Variants in ANO3 observed in about 807,000 individuals in gnomAD.
ANO3 encodes the protein anoctamin 3, also known as anoctamin-3.
A neutral mutation model predicts 144.8 loss-of-function variants in ANO3; 99 were observed. That is an observed-to-expected ratio of 0.68 (90% confidence interval 0.58 to 0.81). The LOEUF (loss-of-function observed/expected upper bound fraction) is 0.81. Among genes scored for constraint, ANO3 ranks in the 30% least tolerant of loss-of-function variants. ANO3 has a pLI of 0.00. For missense variants in ANO3, 905 were observed against 1,202.2 expected (o/e 0.75, Z 3.66); for synonymous variants, 414 against 392.6 (o/e 1.05, Z -0.64).
intron 1 of ANO3, among the ~76,000 whole-genome samples, chr11:26,273,738 A>T (rs1853499103): frequency 6.6e-6 from 1 of 152,084 alleles, no homozygotes; most frequent in African/African-American, 2.4e-5. Context: ...AAAAACAAAT[A>T]GACATCACAC....
chr11:26,380,058 G>A (rs569493565), intron 1 of ANO3, among the ~76,000 whole-genome samples: 1 of 152,224 alleles, frequency 6.6e-6, no homozygotes, highest in Admixed American at 6.5e-5. Flanking sequence ...GGACTGATAA[G>A]CATCATTCTT....
At chr11:26,452,137 A>T (rs1249829243) in intron 3 of ANO3, among the ~76,000 whole-genome samples, 1 of 152,188 alleles carries the variant, frequency 6.6e-6, no homozygotes, top group Non-Finnish European at 1.5e-5. Context: ...TGGGGAAAAA[A>T]CAGAGCAGAA....
rs1214864598 is a variant in ANO3, at chr11:26,371,414, C to T, written c.46+39093C>T. Among the ~76,000 whole-genome samples, 5 of 152,358 alleles carry T rather than the reference C, an allele frequency of 3.3e-5. No individual in the cohort carries two copies. The Middle Eastern group carries it at 0.014, about 415-fold the overall frequency. On this transcript the variant is annotated intron_variant, in intron 1 of 26. Coordinates refer to ENST00000256737, the MANE Select transcript of ANO3 (RefSeq NM_031418.4). ...ATGGAGCCTTCATGGAGAACCTCTG[C>T]AGTGTGGAAAAGAAATGTAGGCTTG... is the stretch of plus-strand genomic sequence containing the variant.
chr11:26,537,601 T>C, intron 10 of ANO3, 140 bp downstream of exon 10: 1 of 739,338 alleles, frequency 1.4e-6, no homozygotes, highest in East Asian at 2.5e-5. Context: ...TGTCTCCCCA[T>C]TGTAATTTTG....
intron 1 of ANO3, among the ~76,000 whole-genome samples, chr11:26,298,333 G>A (rs1854140042): frequency 6.6e-6 from 1 of 151,924 alleles, no homozygotes; most frequent in African/African-American, 2.4e-5. Flanking sequence ...AAATGGAAAG[G>A]AAAAAAGAAA....
chr11:26,380,442 A>G (rs575664762), intron 1 of ANO3, among the ~76,000 whole-genome samples: 4 of 152,322 alleles, frequency 2.6e-5, no homozygotes, highest in African/African-American at 7.2e-5. Flanking sequence ...TATTGCTCAC[A>G]GTTCTGGAGG....
chr11:26,238,679 AAACAT>A (rs963713191), intron 1 of ANO3, among the ~76,000 whole-genome samples: 5 of 152,102 alleles, frequency 3.3e-5, no homozygotes, highest in African/African-American at 9.7e-5. Context: ...AATAAATAAT[AAACAT>A]AACAGATACA....
chr11:26,359,258 C>A (rs10834971), intron 1 of ANO3, among the ~76,000 whole-genome samples: 16,468 of 152,144 alleles, frequency 0.11, 1,007 homozygotes, highest in South Asian at 0.25. Flanking sequence ...CTTTTAAGTT[C>A]TGTGAGGTGG....
At chr11:26,326,621 A>G (rs1451751042) in intron 1 of ANO3, among the ~76,000 whole-genome samples, 2 of 152,168 alleles carry the variant, frequency 1.3e-5, no homozygotes, top group Non-Finnish European at 2.9e-5. Flanking sequence ...TGTTCACTCA[A>G]TTAGTCACCC....
In ANO3 at chr11:26,367,072, G is replaced by T. The variant is rs146498738; in HGVS notation, c.46+34751G>T. 8.4e-3 allele frequency among the ~76,000 whole-genome samples: 1,274 copies of T among 152,238 alleles called. 16 individuals carry two copies. The highest frequency in any genetic ancestry group is 0.025 in the African/African-American group (1,057 of 41,540). ...TAGCCATATGTAGAAAGCTGAAACTGGATCCCTTCCTTACACCTTATACAA... is the reference window on the plus strand; with the variant it reads ...TAGCCATATGTAGAAAGCTGAAACTTGATCCCTTCCTTACACCTTATACAA... On this transcript the variant is annotated intron_variant, in intron 1 of 26. Coordinates refer to ENST00000256737, the MANE Select transcript of ANO3 (RefSeq NM_031418.4).
At chr11:26,197,821 T>C (rs1015634903) in intron 1 of ANO3, among the ~76,000 whole-genome samples, 1 of 152,200 alleles carries the variant, frequency 6.6e-6, no homozygotes, top group Non-Finnish European at 1.5e-5. Context: ...GCCTCTGTTT[T>C]AATCCTCATC....
intron 1 of ANO3, among the ~76,000 whole-genome samples, chr11:26,379,986 A>G (rs1856545910): frequency 6.6e-6 from 1 of 152,174 alleles, no homozygotes; most frequent in African/African-American, 2.4e-5. Flanking sequence ...TTATGTCCCA[A>G]TCCATGTAGT....
upstream of ANO3, among the ~76,000 whole-genome samples, chr11:26,330,772 C>A (rs2133887111): frequency 6.6e-6 from 1 of 152,320 alleles, no homozygotes; most frequent in African/African-American, 2.4e-5. Context: ...ATATTCCCCT[C>A]ATTCTTTTGT....
rs1323332885 is a variant in ANO3, at chr11:26,642,000, A to T, written c.2246A>T (p.His749Leu). The change falls in exon 22 of 27, where the codon CAT (histidine) becomes CTT (leucine). Residue 749 changes from histidine to leucine, a missense_variant. His to Leu is a moderately conservative substitution (Grantham distance 99). This residue lies in a region of ANO3 where 597 missense variants were observed against 865.1 expected (regional missense o/e 0.69). Coordinates refer to ENST00000256737, the MANE Select transcript of ANO3 (RefSeq NM_031418.4). Reference sequence around the variant, plus strand: ...TGGAATCTGCAGCCCATGAACCTTCATGGACTGATGGATGAGTACTTAGAA... The same window carrying T: ...TGGAATCTGCAGCCCATGAACCTTCTTGGACTGATGGATGAGTACTTAGAA... ...NDWNLQPMNL[H>L]GLMDEYLEMV... is the part of the protein sequence containing the mutation. 2 of 1,613,928 alleles carry T rather than the reference A, an allele frequency of 1.2e-6. No individual in the cohort carries two copies. The highest frequency in any genetic ancestry group is 1.7e-6 in the Non-Finnish European group (2 of 1,179,922).
chr11:26,407,047 GGTGTGTGT>G (rs372391349), intron 1 of ANO3, among the ~76,000 whole-genome samples: 112 of 108,264 alleles, frequency 1.0e-3, no homozygotes, highest in South Asian at 3.5e-3. Context: ...TATATATATG[GGTGTGTGT>G]GTGTGTGTGT....
chr11:26,315,193 G>C (rs755969215), intron 1 of ANO3, among the ~76,000 whole-genome samples: 1 of 151,986 alleles, frequency 6.6e-6, no homozygotes, highest in Non-Finnish European at 1.5e-5. Context: ...AAAAATATCT[G>C]TGTATTACCT....
intron 1 of ANO3, among the ~76,000 whole-genome samples, chr11:26,389,359 T>A (rs1856817422): frequency 6.6e-6 from 1 of 152,040 alleles, no homozygotes; most frequent in Non-Finnish European, 1.5e-5. Flanking sequence ...GGGATATTAA[T>A]CATAGGTACC....
At chr11:26,390,290 A>G (rs962397992) in intron 1 of ANO3, among the ~76,000 whole-genome samples, 2 of 152,070 alleles carry the variant, frequency 1.3e-5, no homozygotes, top group African/African-American at 4.8e-5. Flanking sequence ...AAGTAATTGA[A>G]AACAGATTTT....
chr11:26,472,191 C>G (rs1859807840), intron 4 of ANO3, among the ~76,000 whole-genome samples: 1 of 152,012 alleles, frequency 6.6e-6, no homozygotes, highest in East Asian at 1.9e-4. Context: ...GAAGACAGAT[C>G]AGAAACCGTG....
Sources: gnomAD v4.1 joint callset for allele counts (sites outside exome capture counted in the v4.1 genomes callset) on GRCh38, gnomAD v4.1.1 for gene constraint, gnomAD v4.1.1 regional missense constraint, MANE v1.5 for transcripts, NCBI Gene and HGNC (gene_info 2026-07-23, HGNC 2026-07-21) for gene names.